The following DLAT variants were observed in gnomAD, a reference collection of about 807,000 sequenced individuals.
DLAT encodes dihydrolipoamide S-acetyltransferase.
A neutral mutation model predicts 68.0 loss-of-function variants in DLAT; 43 were observed. That is an observed-to-expected ratio of 0.63 (90% CI 0.50 to 0.81). DLAT has a LOEUF of 0.81. DLAT is among the 40% of genes least tolerant of loss of function. The pLI, the probability that DLAT is intolerant of heterozygous loss-of-function variation, is 0.00. For missense variants in DLAT, 745 were observed against 815.4 expected, an observed-to-expected ratio of 0.91 and a Z score of 1.05; for synonymous variants, 265 against 288.6, an observed-to-expected ratio of 0.92 and a Z score of 0.83.
intron 13 of DLAT, among the ~76,000 whole-genome samples, chr11:112,062,135 G>A (rs1767692584): frequency 6.6e-6 from 1 of 152,080 alleles, no homozygotes; most frequent in African/African-American, 2.4e-5. Flanking sequence ...AGTATGAAGG[G>A]AGGCATAAAC....
At chr11:112,045,816 AG>A (rs1863285828) in intron 9 of DLAT, 46 bp from the exon 10 acceptor site, 1 of 1,193,500 alleles carries the variant, frequency 8.4e-7, no homozygotes, top group Admixed American at 1.7e-5. Context: ...AAATTAGTTA[AG>A]GTCTTAACTC....
intron 4 of DLAT, among the ~76,000 whole-genome samples, chr11:112,032,080 A>C (rs9704305): frequency 1 from 151,562 of 151,562 alleles, 75,781 homozygotes; most frequent in Non-Finnish European, 1. Context: ...GGGGGTTTCG[A>C]CATGATGGCC....
chr11:112,036,221 T>G (rs1555180461), intron 5 of DLAT, among the ~76,000 whole-genome samples: 4 of 111,806 alleles, frequency 3.6e-5, no homozygotes, highest in African/African-American at 1.4e-4. Context: ...TTTTTTTTTT[T>G]TTTTTTTTTG....
At position 112,025,882 on chromosome 11, in the gene DLAT, T is replaced by C. The variant is rs1192233139; in HGVS notation, c.279+131T>C. The C allele has an allele frequency of 7.2e-6, 9 of 1,242,448 alleles. No individual in the cohort carries two copies. In the African/African-American group the frequency reaches 1.2e-4, roughly 17 times the overall value. 77.0% of individuals were successfully genotyped at this position (1,242,448 alleles called of 1,614,324 possible). On this transcript the variant is annotated intron_variant, in intron 1 of 13. Coordinates refer to ENST00000280346, the MANE Select transcript of DLAT (RefSeq NM_001931.5). ...GTATCTGCTTTGGCCCTTTGTCCAA[T>C]AGTTGGCTTTGCTGTAGCTCCTTAG... is the stretch of plus-strand genomic sequence containing the variant.
Position 112,063,991 on chromosome 11 carries a change from G to T in DLAT, c.*1456G>T. 2 of 566,180 alleles carry T rather than the reference G, an allele frequency of 3.5e-6. No individual in the cohort carries two copies. The highest frequency in any genetic ancestry group is 6.0e-6 in the Non-Finnish European group (2 of 334,044). The allele number at this position is 566,180 out of a possible 1,614,324, so 35.1% of individuals were successfully genotyped here. A position where few individuals can be genotyped will look rare whatever the true frequency, so the allele number is the denominator to read the frequency against. On this transcript the variant is annotated 3_prime_UTR_variant, in exon 14 of 14. Coordinates refer to ENST00000280346, the MANE Select transcript of DLAT (RefSeq NM_001931.5). The stretch of plus-strand genomic sequence containing the variant: ...GTTTCTAAATATTCATTATTACATG[G>T]TACACAAGTGACACTCCATATATTC...
At chr11:112,061,449 G>C (rs1043338976) in intron 13 of DLAT, 4 of 391,064 alleles carry the variant, frequency 1.0e-5, no homozygotes, top group Non-Finnish European at 1.4e-5. Flanking sequence ...TTCAAGTTGT[G>C]CTTACTGGAA....
chr11:112,026,473 C>A (rs1276693943), intron 2 of DLAT, among the ~76,000 whole-genome samples, 174 bp downstream of exon 2: 1 of 152,044 alleles, frequency 6.6e-6, no homozygotes, highest in Non-Finnish European at 1.5e-5. Context: ...ATCCTGCGGC[C>A]TTCCGCAGTG....
At chr11:112,055,908 G>T (rs1264595396) in intron 11 of DLAT, among the ~76,000 whole-genome samples, 3 of 85,342 alleles carry the variant, frequency 3.5e-5, no homozygotes, top group South Asian at 4.2e-4. Context: ...TCGCTCTTTT[G>T]CCAGGCTGGA....
At chr11:112,055,503 C>A (rs1429477855) in intron 11 of DLAT, among the ~76,000 whole-genome samples, 6 of 152,074 alleles carry the variant, frequency 3.9e-5, no homozygotes, top group Admixed American at 2.0e-4. Flanking sequence ...CTTGGCCTCC[C>A]AAAGTGCTGG....
chr11:112,053,802 C>T (rs1863813611), intron 11 of DLAT, among the ~76,000 whole-genome samples: 1 of 152,158 alleles, frequency 6.6e-6, no homozygotes, highest in African/African-American at 2.4e-5. Flanking sequence ...TATTTACCTG[C>T]AGATTTCCAA....
In DLAT at chr11:112,033,941, T is replaced by A. The variant is rs190514015; in HGVS notation, c.787+411T>A. Among the ~76,000 whole-genome samples, 177 of 152,144 alleles carry A rather than the reference T, an allele frequency of 1.2e-3. 1 individual carries two copies. The highest frequency in any genetic ancestry group is 3.8e-3 in the African/African-American group (159 of 41,508). ...GGTCTCACTTTATTGCCCAGGCTGGTTTTGAACTCCTGGCTCAAGCGATCC... is the reference window on the plus strand; with the variant it reads ...GGTCTCACTTTATTGCCCAGGCTGGATTTGAACTCCTGGCTCAAGCGATCC... On this transcript the variant is annotated intron_variant, in intron 5 of 13. Transcript: ENST00000280346.
chr11:112,056,958 G>A (rs1555182670), intron 11 of DLAT, among the ~76,000 whole-genome samples: 1 of 152,122 alleles, frequency 6.6e-6, no homozygotes, highest in Non-Finnish European at 1.5e-5. Context: ...CAAGCAAGTT[G>A]ATGGCACCAT....
chr11:112,025,703 T>C lies in DLAT; in HGVS notation c.231T>C (p.Leu77=). The C allele has an allele frequency of 6.2e-7, 1 of 1,612,886 alleles. No homozygotes were observed. The highest frequency in any genetic ancestry group is 8.5e-7 in the Non-Finnish European group (1 of 1,179,914). The part of the protein sequence containing the change: ...ATPRNRLLLQ[L]LGSPGRRYYS... ...CGCGGAACCGCTTACTGCTGCAGCTTTTGGGGTCGCCCGGCCGCCGCTATT... is the reference window on the plus strand; with the variant it reads ...CGCGGAACCGCTTACTGCTGCAGCTCTTGGGGTCGCCCGGCCGCCGCTATT... The change falls in exon 1 of 14, where the codon CTT becomes CTC. Residue 77 remains leucine, a synonymous_variant. Coordinates refer to ENST00000280346, the MANE Select transcript of DLAT (RefSeq NM_001931.5).
At chr11:112,030,015 C>A in intron 4 of DLAT, 2 of 1,028,156 alleles carry the variant, frequency 1.9e-6, no homozygotes, top group South Asian at 2.5e-5. Flanking sequence ...GCCATTTGTA[C>A]TGGGACCGCT....
At chr11:112,030,383 A>G in intron 4 of DLAT, 1 of 381,914 alleles carries the variant, frequency 2.6e-6, no homozygotes, top group South Asian at 2.0e-5. Flanking sequence ...TGACCCGGAA[A>G]CGGAAGTCGG....
rs1389896707 is a variant in DLAT, at chr11:112,051,633, T to C, written c.1514+284T>C. Reference sequence around the variant, plus strand: ...CTTGCTCTGTTGTCCAGGCTGGTCTTGAACTCTTGGGCTCAAGCAATTCTA... The same window carrying C: ...CTTGCTCTGTTGTCCAGGCTGGTCTCGAACTCTTGGGCTCAAGCAATTCTA... On this transcript the variant is annotated intron_variant, in intron 11 of 13. Coordinates refer to ENST00000280346, the MANE Select transcript of DLAT (RefSeq NM_001931.5). This position sits in a 1 kb window ranked among gnomAD's most constrained non-coding sequence, Gnocchi z 4.3. 3.9e-5 allele frequency among the ~76,000 whole-genome samples: 6 copies of C among 152,144 alleles called. No homozygotes were observed. Among genetic ancestry groups the C allele is most frequent in the Admixed American group, 3.3e-4 (5 of 15,262 alleles).
chr11:112,057,996 A>C (rs1285617202), intron 11 of DLAT, among the ~76,000 whole-genome samples: 1 of 152,202 alleles, frequency 6.6e-6, no homozygotes, highest in Non-Finnish European at 1.5e-5. Flanking sequence ...ATGTACTAGG[A>C]GATCAGAAAA....
Position 112,025,503 on chromosome 11 carries a change from A to T in DLAT, c.31A>T (p.Asn11Tyr), listed in dbSNP as rs782766234. MWRVCARRAQ[N>Y]VAPWAGLEAR... ...GCGCGTCTGTGCGCGACGGGCTCAG[A>T]ATGTAGCCCCATGGGCGGGACTCGA... The change falls in exon 1 of 14, where the codon AAT (asparagine) becomes TAT (tyrosine). Residue 11 changes from asparagine to tyrosine, a missense_variant. Coordinates refer to ENST00000280346, the MANE Select transcript of DLAT (RefSeq NM_001931.5). 7 of 1,613,734 alleles carry T rather than the reference A, an allele frequency of 4.3e-6. No individual in the cohort carries two copies.
chr11:112,056,476 G>A (rs1864089734), intron 11 of DLAT, among the ~76,000 whole-genome samples: 1 of 152,080 alleles, frequency 6.6e-6, no homozygotes. Context: ...TTCACTTAAC[G>A]AAATGTTTTT....
Sources: gnomAD v4.1 joint callset for allele counts (sites outside exome capture counted in the v4.1 genomes callset) on GRCh38, gnomAD v4.1.1 for gene constraint, Gnocchi (gnomAD v3.1) non-coding constraint, MANE v1.5 for transcripts, NCBI Gene and HGNC (gene_info 2026-07-23, HGNC 2026-07-21) for gene names.